The following RGL1 variants were observed in gnomAD, a reference collection of about 807,000 sequenced individuals.
The protein encoded by RGL1 is ral guanine nucleotide dissociation stimulator like 1, also known as ral guanine nucleotide dissociation stimulator-like 1.
RGL1 carries 24 observed loss-of-function variants against 95.2 expected under a neutral mutation model. That is an observed-to-expected ratio of 0.25 (90% CI 0.18 to 0.35). The LOEUF (loss-of-function observed/expected upper bound fraction) is 0.35, where lower values mean the gene tolerates loss of function less well. Ranked by LOEUF, RGL1 falls within the 10% of genes least tolerant of loss-of-function variation. RGL1 has a pLI of 1.00. For missense variants in RGL1, 715 were observed against 936.3 expected, an observed-to-expected ratio of 0.76 and a Z score of 3.08; for synonymous variants, 329 against 344.9, an observed-to-expected ratio of 0.95 and a Z score of 0.51.
At chr1:183,690,627 A>G (rs1051511680) in intron 1 of RGL1, among the ~76,000 whole-genome samples, 7 of 152,236 alleles carry the variant, frequency 4.6e-5, no homozygotes, top group Admixed American at 3.9e-4. Context: ...CTGAACTAAA[A>G]GTGAATGAAA....
intron 2 of RGL1, among the ~76,000 whole-genome samples, chr1:183,771,860 A>G (rs1286846989): frequency 6.6e-6 from 1 of 152,234 alleles, no homozygotes; most frequent in Non-Finnish European, 1.5e-5. Flanking sequence ...AGGCAGAGAC[A>G]GAAGTGGCTG....
intron 1 of RGL1, among the ~76,000 whole-genome samples, chr1:183,687,916 G>A (rs1448876544): frequency 6.6e-6 from 1 of 152,052 alleles, no homozygotes; most frequent in East Asian, 1.9e-4. Context: ...GGGAAGAGTG[G>A]GTAGAGAGAT....
intron 2 of RGL1, among the ~76,000 whole-genome samples, chr1:183,809,196 A>G (rs1403535997): frequency 6.6e-6 from 1 of 152,262 alleles, no homozygotes; most frequent in Non-Finnish European, 1.5e-5. Flanking sequence ...TGCTTATTCC[A>G]GATGCCTAAA....
At chr1:183,681,209 A>G (rs940930825) in intron 1 of RGL1, among the ~76,000 whole-genome samples, 5 of 152,170 alleles carry the variant, frequency 3.3e-5, no homozygotes, top group Non-Finnish European at 5.9e-5. Flanking sequence ...TTCCAACACT[A>G]TGTTGAACAG....
chr1:183,754,567 CTT>C (rs1461997257), intron 2 of RGL1: 4 of 152,266 alleles, frequency 2.6e-5, no homozygotes, highest in African/African-American at 4.8e-5. Flanking sequence ...ACCTGGGAAT[CTT>C]TTGTATTCAC....
chr1:183,805,437 A>G (rs1178589237), intron 1 of RGL1, 113 bp downstream of exon 1: 2 of 907,866 alleles, frequency 2.2e-6, no homozygotes, highest in African/African-American at 1.6e-5. Flanking sequence ...CCGATTCCAT[A>G]CTTGTGAGCT....
In RGL1 at chr1:183,866,076, G is replaced by T; in HGVS notation, c.425+3G>T. 6.2e-7 allele frequency: 1 copy of T among 1,608,860 alleles called. No individual in the cohort carries two copies. The highest frequency in any genetic ancestry group is 1.1e-5 in the South Asian group (1 of 90,944). ...GAGTCCAAAATGGTGATCAGGAAGT[G>T]AGTCTCCCTTTTCTTTGCATTCTAA... is the stretch of plus-strand genomic sequence containing the variant. On this transcript the variant is annotated splice_donor_region_variant and intron_variant, in intron 4 of 17. Coordinates refer to ENST00000360851, the MANE Select transcript of RGL1 (RefSeq NM_001297671.3).
intron 1 of RGL1, among the ~76,000 whole-genome samples, chr1:183,688,588 CT>C (rs1349024947): frequency 4.0e-5 from 6 of 151,840 alleles, no homozygotes; most frequent in Non-Finnish European, 7.4e-5. Context: ...ATTTTTTCAA[CT>C]TTTTTTTAAG....
At chr1:183,910,397 C>G (rs975001353) in intron 14 of RGL1, among the ~76,000 whole-genome samples, 1 of 152,126 alleles carries the variant, frequency 6.6e-6, no homozygotes, top group Non-Finnish European at 1.5e-5. Context: ...GTGCCTGGCC[C>G]CCTGTTGATT....
At chr1:183,646,384 G>A (rs939792947) in intron 1 of RGL1, 3 of 151,568 alleles carry the variant, frequency 2.0e-5, no homozygotes, top group Non-Finnish European at 4.4e-5. Context: ...ATGTTTTAAT[G>A]TCATGGCAAA....
intron 17 of RGL1, among the ~76,000 whole-genome samples, chr1:183,924,832 G>A (rs990223805): frequency 2.0e-5 from 3 of 151,224 alleles, no homozygotes; most frequent in Non-Finnish European, 4.4e-5. Context: ...CGGGGGTGGT[G>A]GCACACGCCT....
chr1:183,878,797 G>T (rs1666665394), intron 4 of RGL1, among the ~76,000 whole-genome samples: 1 of 152,122 alleles, frequency 6.6e-6, no homozygotes, highest in Non-Finnish European at 1.5e-5. Flanking sequence ...CTGTCTTGTT[G>T]TTAGGCTGCT....
At chr1:183,666,835 G>A (rs1572248556) in intron 1 of RGL1, among the ~76,000 whole-genome samples, 1 of 151,190 alleles carries the variant, frequency 6.6e-6, no homozygotes, top group South Asian at 2.1e-4. Flanking sequence ...GTTGAATGAA[G>A]TAATTTATAA....
chr1:183,720,998 A>G (rs980345363), intron 1 of RGL1, among the ~76,000 whole-genome samples: 4 of 152,124 alleles, frequency 2.6e-5, no homozygotes, highest in African/African-American at 9.7e-5. Context: ...GGAAATAAAA[A>G]ACCCCTGAGA....
intron 2 of RGL1, among the ~76,000 whole-genome samples, chr1:183,797,953 C>T (rs536968396): frequency 1.3e-5 from 2 of 152,270 alleles, no homozygotes; most frequent in African/African-American, 4.8e-5. Context: ...TTGCTTATGT[C>T]CTCCAAAAGG....
intron 11 of RGL1, 33 bp from the exon 12 acceptor site, chr1:183,902,535 G>T (rs1476124457): frequency 6.3e-7 from 1 of 1,593,712 alleles, no homozygotes; most frequent in South Asian, 1.1e-5. Context: ...AAGTAGCTTG[G>T]TTGCTCACTC....
chr1:183,682,147 G>GT (rs1265363891), intron 1 of RGL1, among the ~76,000 whole-genome samples: 5 of 152,032 alleles, frequency 3.3e-5, no homozygotes, highest in Admixed American at 6.6e-5. Flanking sequence ...TTTTTGAAGG[G>GT]TTTTTTGTGT....
intron 3 of RGL1, 143 bp downstream of exon 3, chr1:183,847,917 A>G (rs1412117384): frequency 3.1e-6 from 2 of 638,102 alleles, no homozygotes; most frequent in Non-Finnish European, 5.4e-6. Context: ...CTTTGGCACA[A>G]ATGAAAAGAA....
chr1:183,894,697 T>G lies in RGL1; in HGVS notation c.1140+2536T>G, dbSNP rs147826226. Among the ~76,000 whole-genome samples, 969 of 152,308 alleles carry G rather than the reference T, an allele frequency of 6.4e-3. 11 individuals carry two copies. Among genetic ancestry groups the G allele is most frequent in the African/African-American group, 0.022 (927 of 41,576 alleles). The stretch of plus-strand genomic sequence containing the variant: ...GGGTAACAATATAATAGTTTCATTT[T>G]ATTTTATTTTTTGTAGATATGTAGT... On this transcript the variant is annotated intron_variant, in intron 9 of 17. Transcript: ENST00000360851.
Sources: gnomAD v4.1 joint callset for allele counts (sites outside exome capture counted in the v4.1 genomes callset) on GRCh38, gnomAD v4.1.1 for gene constraint, MANE v1.5 for transcripts, NCBI Gene and HGNC (gene_info 2026-07-23, HGNC 2026-07-21) for gene names.